The following PPP6R3 variants were observed in gnomAD, a reference collection of about 807,000 sequenced individuals.
PPP6R3 encodes serine/threonine-protein phosphatase 6 regulatory subunit 3.
A neutral mutation model predicts 110.7 loss-of-function variants in PPP6R3; 38 were observed. The ratio of observed to expected loss-of-function variants is 0.34; its 90% CI spans 0.26 to 0.45. The LOEUF is 0.45. PPP6R3 is among the 20% of genes least tolerant of loss of function. PPP6R3 has a pLI of 1.00. For missense variants in PPP6R3, 870 were observed against 1,062.4 expected, an observed-to-expected ratio of 0.82 and a Z score of 2.52; for synonymous variants, 369 against 373.5, an observed-to-expected ratio of 0.99 and a Z score of 0.14.
At chr11:68,566,966 G>A in intron 9 of PPP6R3, 48 bp from the exon 10 acceptor site, 2 of 1,499,886 alleles carry the variant, frequency 1.3e-6, no homozygotes, top group Non-Finnish European at 1.8e-6. Context: ...TACACCATTT[G>A]CTTTGTTCAT....
chr11:68,567,056 G>A lies in PPP6R3; in HGVS notation c.1018G>A (p.Val340Met). ...KTTWGVLDPP[V>M]GNTRLNVIRL... ...CACATGGGGTGTGCTGGATCCTCCT[G>A]TGGGGAATACCCGGTTGAATGTCAT... Residue 340 changes from valine to methionine, a missense_variant, in exon 10 of 24, where the codon GTG (valine) becomes ATG (methionine). Transcript: ENST00000393800. 6.4e-7 allele frequency: 1 copy of A among 1,551,700 alleles called. No individual in the cohort carries two copies. Among genetic ancestry groups the A allele is most frequent in the South Asian group, 1.2e-5 (1 of 84,020 alleles).
chr11:68,477,744 ATAT>A (rs1565285416), intron 1 of PPP6R3, among the ~76,000 whole-genome samples: 550 of 48,932 alleles, frequency 0.011, 7 homozygotes, highest in South Asian at 0.083. Context: ...AAAAAAAAAT[ATAT>A]ATATATATAT....
At chr11:68,536,434 T>G (rs2099271335) in intron 2 of PPP6R3, among the ~76,000 whole-genome samples, 2 of 152,132 alleles carry the variant, frequency 1.3e-5, no homozygotes, top group Non-Finnish European at 2.9e-5. Context: ...TTTTTGAATT[T>G]TTTTTTGTCT....
At chr11:68,484,564 A>G (rs972941713) in intron 1 of PPP6R3, among the ~76,000 whole-genome samples, 3 of 150,802 alleles carry the variant, frequency 2.0e-5, no homozygotes, top group African/African-American at 4.9e-5. Flanking sequence ...TTAAGTGTCT[A>G]TATATATTTT....
intron 7 of PPP6R3, among the ~76,000 whole-genome samples, chr11:68,555,237 T>C (rs2099394775): frequency 6.6e-6 from 1 of 152,226 alleles, no homozygotes; most frequent in Non-Finnish European, 1.5e-5. Flanking sequence ...TCTTGCACTA[T>C]GGCATATATA....
At chr11:68,477,737 A>T (rs1396030348) in intron 1 of PPP6R3, among the ~76,000 whole-genome samples, 62 of 64,524 alleles carry the variant, frequency 9.6e-4, no homozygotes, top group African/African-American at 3.4e-3. Context: ...TTAAAAAAAA[A>T]AAAAATATAT....
intron 1 of PPP6R3, among the ~76,000 whole-genome samples, chr11:68,478,506 G>A (rs978259923): frequency 9.9e-5 from 15 of 151,942 alleles, no homozygotes; most frequent in Admixed American, 3.9e-4. Context: ...GTTACTATTT[G>A]CCTTATATAT....
At chr11:68,503,187 C>T (rs2099057194) in intron 1 of PPP6R3, among the ~76,000 whole-genome samples, 1 of 152,188 alleles carries the variant, frequency 6.6e-6, no homozygotes, top group Non-Finnish European at 1.5e-5. Flanking sequence ...CGTGATCCGC[C>T]TGCCTCAGCC....
At chr11:68,605,226 G>A in intron 22 of PPP6R3, among the ~76,000 whole-genome samples, 1 of 152,138 alleles carries the variant, frequency 6.6e-6, no homozygotes, top group East Asian at 1.9e-4. Context: ...TGTGGTCCCA[G>A]CTACTTGGGG....
At chr11:68,578,695 T>C (rs2099541351) in intron 14 of PPP6R3, among the ~76,000 whole-genome samples, 1 of 152,248 alleles carries the variant, frequency 6.6e-6, no homozygotes, top group African/African-American at 2.4e-5. Flanking sequence ...TTGGATAAGC[T>C]GTGCCCAGCC....
At chr11:68,612,950 A>G (rs1196205832) in intron 23 of PPP6R3, 116 bp from the exon 24 acceptor site, 4 of 1,524,414 alleles carry the variant, frequency 2.6e-6, no homozygotes, top group East Asian at 4.9e-5. Context: ...AAAACTTACT[A>G]AGTTCAAAAC....
intron 1 of PPP6R3, among the ~76,000 whole-genome samples, chr11:68,512,852 A>C (rs1305000938): frequency 6.6e-6 from 1 of 152,204 alleles, no homozygotes; most frequent in Non-Finnish European, 1.5e-5. Flanking sequence ...GCATTGTACA[A>C]GTGCTTGTCC....
intron 12 of PPP6R3, among the ~76,000 whole-genome samples, chr11:68,571,713 C>T (rs1289252494): frequency 6.6e-6 from 1 of 152,170 alleles, no homozygotes; most frequent in African/African-American, 2.4e-5. Context: ...GATTCTGAAG[C>T]ATGGTGGCAT....
intron 1 of PPP6R3, among the ~76,000 whole-genome samples, chr11:68,478,964 C>G (rs936379185): frequency 6.6e-6 from 1 of 151,984 alleles, no homozygotes; most frequent in Non-Finnish European, 1.5e-5. Context: ...CCAGTCTGAA[C>G]GTAATTTTAT....
At chr11:68,517,929 C>A (rs1037187747) in intron 1 of PPP6R3, among the ~76,000 whole-genome samples, 28 of 147,758 alleles carry the variant, frequency 1.9e-4, no homozygotes, top group Non-Finnish European at 3.8e-4. Flanking sequence ...GAGAGCAAGA[C>A]CCTGTCTTCA....
At chr11:68,609,533 TC>T (rs1037387303) in intron 22 of PPP6R3, 2 of 1,465,768 alleles carry the variant, frequency 1.4e-6, no homozygotes, top group African/African-American at 2.8e-5. Flanking sequence ...GACATATTAT[TC>T]CCCCAAATTC....
At chr11:68,512,022 G>T (rs1395772271) in intron 1 of PPP6R3, among the ~76,000 whole-genome samples, 1 of 152,082 alleles carries the variant, frequency 6.6e-6, no homozygotes, top group Non-Finnish European at 1.5e-5. Context: ...AGTTTTAGTG[G>T]AGCATAGTTG....
At chr11:68,609,744 T>G in intron 22 of PPP6R3, 160 bp from the exon 23 acceptor site, 1 of 1,554,150 alleles carries the variant, frequency 6.4e-7, no homozygotes, top group Non-Finnish European at 8.9e-7. Context: ...AGTCACTGTC[T>G]GTGGTTGTGT....
chr11:68,478,095 A>G (rs1020802419), intron 1 of PPP6R3, among the ~76,000 whole-genome samples: 38 of 151,670 alleles, frequency 2.5e-4, no homozygotes, highest in African/African-American at 9.2e-4. Flanking sequence ...GATTACAGGC[A>G]CCCGCCACCA....
Sources: gnomAD v4.1 joint callset for allele counts (sites outside exome capture counted in the v4.1 genomes callset) on GRCh38, gnomAD v4.1.1 for gene constraint, MANE v1.5 for transcripts, NCBI Gene and HGNC (gene_info 2026-07-23, HGNC 2026-07-21) for gene names.